SH2B1: variants seen among roughly 807,000 people sequenced by gnomAD.
SH2B1 encodes the protein SH2B adapter protein 1.
Under a neutral mutation model 62.6 loss-of-function variants are expected in SH2B1, and 15 were observed. That is an observed-to-expected ratio of 0.24 (90% confidence interval 0.16 to 0.37). The LOEUF is 0.37. SH2B1 is among the 10% of genes least tolerant of loss of function. The probability of loss-of-function intolerance (pLI) is 1.00; values close to 1 mark genes in which losing one functional copy is unlikely to be tolerated. For synonymous variants in SH2B1, 443 were observed against 438.0 expected, an observed-to-expected ratio of 1.01 and a Z score of -0.14; for missense variants, 925 against 1,015.6, an observed-to-expected ratio of 0.91 and a Z score of 1.21.
intron 4 of SH2B1, 105 bp downstream of exon 4, chr16:28,869,488 G>C: frequency 9.6e-7 from 1 of 1,046,566 alleles, no homozygotes; most frequent in Non-Finnish European, 1.4e-6. Flanking sequence ...CCCCATCCCT[G>C]TTTTCCAGAT....
intron 1 of SH2B1, among the ~76,000 whole-genome samples, chr16:28,847,816 CTTTTTTT>C (rs34950443): frequency 3.8e-4 from 32 of 84,248 alleles, no homozygotes; most frequent in Admixed American, 2.3e-3. Context: ...AAGACCCCAT[CTTTTTTT>C]TTTTTTTTTT....
intron 4 of SH2B1, 90 bp from the exon 5 acceptor site, chr16:28,871,690 A>C (rs1310485021): frequency 9.5e-7 from 1 of 1,050,552 alleles, no homozygotes; most frequent in Non-Finnish European, 1.5e-6. Context: ...GACTGCACAC[A>C]GGGTAGACTG....
In SH2B1 at chr16:28,858,251, G is replaced by A. The variant is rs568995810; in HGVS notation, c.-300-3367G>A. Reference sequence around the variant, plus strand: ...GTGTTGGCTGGGCACAGTGGCTCACGCCTGTAATCCCAGCATTTTGGGAGG... The same window carrying A: ...GTGTTGGCTGGGCACAGTGGCTCACACCTGTAATCCCAGCATTTTGGGAGG... On this transcript the variant is annotated intron_variant, in intron 1 of 10. Coordinates refer to the SH2B1 transcript ENST00000322610. Among the ~76,000 whole-genome samples the A allele has an allele frequency of 3.3e-5, 5 of 151,806 alleles. No homozygotes were observed. The South Asian group carries it at 6.3e-4, about 19-fold the overall frequency.
At position 28,869,266 on chromosome 16, in the gene SH2B1, T is replaced by C; in HGVS notation, c.1192T>C (p.Phe398Leu). 6.2e-7 allele frequency: 1 copy of C among 1,614,126 alleles called. No individual in the cohort carries two copies. Among genetic ancestry groups the C allele is most frequent in the Non-Finnish European group, 8.5e-7 (1 of 1,179,982 alleles). Residue 398 changes from phenylalanine to leucine, a missense_variant, in exon 4 of 8, where the codon TTC becomes CTC. Physicochemically the swap from Phe to Leu is conservative, Grantham distance 22. This residue lies in a region of SH2B1 where 683 missense variants were observed against 704.0 expected (regional missense o/e 0.97). Transcript: ENST00000684370. The part of the protein sequence containing the change: ...MTLPLAPGTS[F>L]LTRENTDSLE... Reference sequence around the variant, plus strand: ...CCTCCCTCTGGCCCCTGGGACCTCATTCCTTACAAGGGAGAACACAGACAG... The same window carrying C: ...CCTCCCTCTGGCCCCTGGGACCTCACTCCTTACAAGGGAGAACACAGACAG...
At chr16:28,856,247 C>CA (rs1962322337) in intron 1 of SH2B1, among the ~76,000 whole-genome samples, 1 of 143,980 alleles carries the variant, frequency 6.9e-6, no homozygotes, top group Non-Finnish European at 1.5e-5. Context: ...CACTCCAGCC[C>CA]AGGGGACCGT....
chr16:28,864,321 C>A lies in SH2B1; in HGVS notation c.-1774C>A. 1.0e-6 allele frequency: 1 copy of A among 993,764 alleles called. No individual in the cohort carries two copies. Among genetic ancestry groups the A allele is most frequent in the African/African-American group, 1.7e-5 (1 of 57,378 alleles). The allele number at this position is 993,764 out of a possible 1,614,324, so 61.6% of individuals were successfully genotyped here. The stretch of plus-strand genomic sequence containing the variant: ...CTTGGCAGAAGAGAAACTGAGTCAC[C>A]AGCTTAGGAGTCGCAGGGTCAGCGG... On this transcript the variant is annotated 5_prime_UTR_variant, in exon 1 of 8. Transcript: ENST00000684370.
Position 28,865,931 on chromosome 16 carries a change from G to A in SH2B1, c.-164G>A, listed in dbSNP as rs1437317434. The A allele has an allele frequency of 4.2e-6, 6 of 1,416,814 alleles. No homozygotes were observed. The highest frequency in any genetic ancestry group is 2.6e-4 in the Middle Eastern group (1 of 3,842). The allele number at this position is 1,416,814 out of a possible 1,614,324, so 87.8% of individuals were successfully genotyped here. A position where few individuals can be genotyped will look rare whatever the true frequency, so the allele number is the denominator to read the frequency against. On this transcript the variant is annotated 5_prime_UTR_variant, in exon 1 of 8. Coordinates refer to ENST00000684370, the MANE Select transcript of SH2B1 (RefSeq NM_001387430.1). Reference sequence around the variant, plus strand: ...TGCGGAGTCTGAAGTAGGGTCGGACGTCTCTGGCTGGGGGTGGGATGCAGC... The same window carrying A: ...TGCGGAGTCTGAAGTAGGGTCGGACATCTCTGGCTGGGGGTGGGATGCAGC...
At chr16:28,851,067 G>A (rs1408247976) in intron 1 of SH2B1, among the ~76,000 whole-genome samples, 2 of 150,554 alleles carry the variant, frequency 1.3e-5, no homozygotes, top group African/African-American at 4.9e-5. Flanking sequence ...CCAGCTACTC[G>A]GGAGGCTGAG....
intron 1 of SH2B1, among the ~76,000 whole-genome samples, chr16:28,849,484 T>C (rs1484659686): frequency 6.6e-6 from 1 of 152,204 alleles, no homozygotes. Context: ...TAGCAAGTTA[T>C]GAGTTTTTGG....
chr16:28,867,403 C>T lies in SH2B1; in HGVS notation c.1012C>T (p.Pro338Ser), dbSNP rs576962727. The change falls in exon 2 of 8, where the codon CCT (proline) becomes TCT (serine). Residue 338 changes from proline to serine, a missense_variant. Pro to Ser is a moderately conservative substitution (Grantham distance 74). Coordinates refer to ENST00000684370, the MANE Select transcript of SH2B1 (RefSeq NM_001387430.1). ...CCGGACAACCACAGCCCTGGAGATG[C>T]CTGACCGGGAGAACACGTTTGTGGT... Reference protein sequence around the residue: ...DVRTTTALEMPDRENTFVVKV... With the variant: ...DVRTTTALEMSDRENTFVVKV... 4.5e-5 allele frequency: 72 copies of T among 1,614,078 alleles called. No homozygotes were observed. The South Asian group carries it at 7.4e-4, about 16-fold the overall frequency.
At chr16:28,853,266 G>A (rs993604896) in intron 1 of SH2B1, among the ~76,000 whole-genome samples, 5 of 141,536 alleles carry the variant, frequency 3.5e-5, no homozygotes, top group Non-Finnish European at 7.6e-5. Flanking sequence ...TACATATATT[G>A]GCTGGGCACT....
Position 28,865,530 on chromosome 16 carries a change from G to T in SH2B1, c.-565G>T. Reference sequence around the variant, plus strand: ...GCCGGGCCCTGGGGACAGGGACTATGAAGTGGGGAAAACAGTAGACTTGGA... The same window carrying T: ...GCCGGGCCCTGGGGACAGGGACTATTAAGTGGGGAAAACAGTAGACTTGGA... On this transcript the variant is annotated 5_prime_UTR_variant, in exon 1 of 8. An upstream start codon of the reference 5' UTR is lost. Transcript: ENST00000684370. 3.0e-6 allele frequency: 3 copies of T among 985,682 alleles called. No individual in the cohort carries two copies. Among genetic ancestry groups the T allele is most frequent in the Non-Finnish European group, 3.6e-6 (3 of 830,030 alleles). The allele number at this position is 985,682 out of a possible 1,614,324, so 61.1% of individuals were successfully genotyped here.
At chr16:28,871,442 T>C (rs141311840) in intron 4 of SH2B1, among the ~76,000 whole-genome samples, 1 of 152,326 alleles carries the variant, frequency 6.6e-6, no homozygotes, top group East Asian at 1.9e-4. Context: ...TGGGCTATTA[T>C]ATAGCGAGAC....
intron 1 of SH2B1, among the ~76,000 whole-genome samples, chr16:28,852,994 A>ATATATATGTACATATATATT: frequency 2.6e-5 from 1 of 38,584 alleles, no homozygotes; most frequent in Non-Finnish European, 5.0e-5. Flanking sequence ...TTATATGTAC[A>ATATATATGTACATATATATT]TATATATGTA....
At position 28,849,421 on chromosome 16, in the gene SH2B1, T is replaced by C. The variant is rs931365143; in HGVS notation, c.-301+2594T>C. Among the ~76,000 whole-genome samples, 7 of 152,334 alleles carry C rather than the reference T, an allele frequency of 4.6e-5. No individual in the cohort carries two copies. In the South Asian group the frequency reaches 1.4e-3, roughly 32 times the overall value. On this transcript the variant is annotated intron_variant, in intron 1 of 10. Coordinates refer to the SH2B1 transcript ENST00000322610. ...CTAAAAGGGTTTTCTGTTTCTACTC[T>C]GTACCTAAGTCACTGTACTCCTAGG...
Position 28,866,073 on chromosome 16 carries a change from T to G in SH2B1, c.-22T>G. 6.6e-7 allele frequency: 1 copy of G among 1,515,922 alleles called. No individual in the cohort carries two copies. The highest frequency in any genetic ancestry group is 8.8e-7 in the Non-Finnish European group (1 of 1,138,414). The allele number at this position is 1,515,922 out of a possible 1,614,324, so 93.9% of individuals were successfully genotyped here. ...CTCTTTGTGCCCCACAGGCTCCCCC[T>G]CTCCACCTCCTGGGGCCCATCATGA... is the stretch of plus-strand genomic sequence containing the variant. On this transcript the variant is annotated 5_prime_UTR_variant, in exon 1 of 8. Transcript: ENST00000684370. This position sits in a 1 kb window ranked among gnomAD's most constrained non-coding sequence, Gnocchi z 6.3.
rs1001057143 is a variant in SH2B1 at position 28,865,673 on chromosome 16, C to G, written c.-422C>G. 7.0e-6 allele frequency: 7 copies of G among 998,296 alleles called. No individual in the cohort carries two copies. In the African/African-American group the frequency reaches 1.2e-4, roughly 17 times the overall value. 61.8% of individuals were successfully genotyped at this position (998,296 alleles called of 1,614,324 possible). On this transcript the variant is annotated 5_prime_UTR_variant, in exon 1 of 8. Transcript: ENST00000684370. ...CTAGAATGGCTCATGGGAAGTGTGACATGAATATTGGAGGATCCGATGTAG... is the reference window on the plus strand; with the variant it reads ...CTAGAATGGCTCATGGGAAGTGTGAGATGAATATTGGAGGATCCGATGTAG...
chr16:28,855,803 CT>C (rs1453230111), intron 1 of SH2B1, among the ~76,000 whole-genome samples: 1 of 117,358 alleles, frequency 8.5e-6, no homozygotes, highest in East Asian at 2.6e-4. Context: ...GCACGCCCGG[CT>C]AATTTTTTTT....
chr16:28,849,461 C>T (rs2152151674), intron 1 of SH2B1, among the ~76,000 whole-genome samples: 1 of 152,236 alleles, frequency 6.6e-6, no homozygotes, highest in Admixed American at 6.5e-5. Context: ...TATCCTAAGA[C>T]ACTATTGGCC....
Sources: allele counts gnomAD v4.1 joint callset (sites outside exome capture counted in the v4.1 genomes callset), GRCh38; gene constraint gnomAD v4.1.1; regional missense constraint gnomAD v4.1.1; non-coding constraint Gnocchi (gnomAD v3.1); transcripts MANE v1.5; gene names NCBI Gene and HGNC (gene_info 2026-07-23, HGNC 2026-07-21).